The following SETBP1 variants were observed in gnomAD, a reference collection of about 807,000 sequenced individuals.
SETBP1 encodes the protein SET binding protein 1, also known as SET-binding protein.
In SETBP1, 9 loss-of-function variants were observed where a neutral mutation model predicts 101.0. That is an observed-to-expected ratio of 0.09 (90% CI 0.05 to 0.16). The LOEUF is 0.16. SETBP1 is among the 10% of genes least tolerant of loss of function. SETBP1 has a pLI of 1.00. For missense variants in SETBP1, 1,858 were observed against 2,033.8 expected (o/e 0.91, Z 1.66); for synonymous variants, 818 against 788.5 (o/e 1.04, Z -0.63).
At chr18:44,916,694 G>A (rs1199009158) in intron 3 of SETBP1, among the ~76,000 whole-genome samples, 1 of 152,172 alleles carries the variant, frequency 6.6e-6, no homozygotes, top group African/African-American at 2.4e-5. Context: ...AGCATAATGA[G>A]ATTGAATGAG....
intron 3 of SETBP1, among the ~76,000 whole-genome samples, chr18:44,921,465 A>G (rs2070577971): frequency 6.6e-6 from 1 of 152,070 alleles, no homozygotes; most frequent in Non-Finnish European, 1.5e-5. Flanking sequence ...CATGTTGGAG[A>G]GGCTAAAGGC....
At position 44,774,378 on chromosome 18, in the gene SETBP1, T is replaced by G. The variant is rs188442452; in HGVS notation, c.486+72546T>G. Among the ~76,000 whole-genome samples the G allele has an allele frequency of 2.0e-3, 303 of 151,130 alleles. 1 individual carries two copies. Among genetic ancestry groups the G allele is most frequent in the African/African-American group, 7.0e-3 (288 of 41,204 alleles). ...GTTTGAGTGTGTATGTGTGTGTGGG[T>G]GTGTGTGTGTGTGGGTGTGAGTGTG... On this transcript the variant is annotated intron_variant, in intron 2 of 5. Coordinates refer to ENST00000649279, the MANE Select transcript of SETBP1 (RefSeq NM_015559.3).
chr18:44,894,863 G>C (rs1156519000), intron 3 of SETBP1, among the ~76,000 whole-genome samples: 6 of 151,320 alleles, frequency 4.0e-5, no homozygotes, highest in Non-Finnish European at 7.4e-5. Flanking sequence ...GGGCACCGTG[G>C]CTGCTTTGGG....
intron 5 of SETBP1, among the ~76,000 whole-genome samples, chr18:45,041,680 G>C (rs1442171744): frequency 6.6e-6 from 1 of 152,162 alleles, no homozygotes; most frequent in Non-Finnish European, 1.5e-5. Flanking sequence ...AATGGATGCA[G>C]GCCAGGCATG....
rs148596984 is a variant in SETBP1 at position 44,701,517 on chromosome 18, A to G, written c.171A>G (p.Pro57=). The G allele has an allele frequency of 3.7e-5, 60 of 1,613,948 alleles. No homozygotes were observed. The highest frequency in any genetic ancestry group is 4.9e-5 in the Non-Finnish European group (58 of 1,179,942). ...GIPVGGERME[P]EEEDELGSGR... Reference sequence around the variant, plus strand: ...CGGTGGGCGGAGAGCGCATGGAGCCAGAGGAGGAGGATGAACTAGGCTCAG... The same window carrying G: ...CGGTGGGCGGAGAGCGCATGGAGCCGGAGGAGGAGGATGAACTAGGCTCAG... Residue 57 remains proline (P), a synonymous_variant, in exon 2 of 6, where the codon CCA becomes CCG. Transcript: ENST00000649279.
chr18:44,732,094 GTGTC>G (rs2069849607), intron 2 of SETBP1, among the ~76,000 whole-genome samples: 1 of 152,182 alleles, frequency 6.6e-6, no homozygotes, highest in Non-Finnish European at 1.5e-5. Context: ...GATGAGCAAT[GTGTC>G]TGTGTGAGTA....
chr18:44,920,110 C>T (rs899287683), intron 3 of SETBP1, among the ~76,000 whole-genome samples: 9 of 152,146 alleles, frequency 5.9e-5, no homozygotes, highest in African/African-American at 2.2e-4. Context: ...GGTCAAGATG[C>T]AAGAAACTTA....
At chr18:44,949,801 C>A in intron 3 of SETBP1, 80 bp from the exon 4 acceptor site, 2 of 1,144,526 alleles carry the variant, frequency 1.7e-6, no homozygotes, top group Non-Finnish European at 2.6e-6. Flanking sequence ...CTTTTGATGT[C>A]AAATATTAAG....
chr18:44,793,709 C>T lies in SETBP1; in HGVS notation c.487-75521C>T, dbSNP rs150356277. 1.3e-3 allele frequency among the ~76,000 whole-genome samples: 201 copies of T among 152,268 alleles called. 3 individuals carry two copies. The highest frequency in any genetic ancestry group is 0.013 in the East Asian group (67 of 5,180). ...GCCTAGATAGGGTACAAGATCAAGC[C>T]AAGGCCACACAGATGGATAAATATG... On this transcript the variant is annotated intron_variant, in intron 2 of 5. Transcript: ENST00000649279.
chr18:44,910,423 A>C (rs1260773803), intron 3 of SETBP1, among the ~76,000 whole-genome samples: 1 of 152,168 alleles, frequency 6.6e-6, no homozygotes, highest in Non-Finnish European at 1.5e-5. Flanking sequence ...CCAAACCTTT[A>C]TGTCTTTGAT....
At chr18:45,020,301 T>G (rs1315842679) in intron 4 of SETBP1, among the ~76,000 whole-genome samples, 1 of 126,184 alleles carries the variant, frequency 7.9e-6, no homozygotes, top group Non-Finnish European at 1.6e-5. Flanking sequence ...AAAAAGTGGC[T>G]TCTCCTCGAA....
chr18:44,808,404 A>G (rs1012462959), intron 2 of SETBP1, among the ~76,000 whole-genome samples: 6 of 152,178 alleles, frequency 3.9e-5, no homozygotes, highest in African/African-American at 7.2e-5. Flanking sequence ...CCATTTACCA[A>G]TTAAGCTTCA....
intron 3 of SETBP1, among the ~76,000 whole-genome samples, chr18:44,876,376 G>A (rs146604600): frequency 6.9e-4 from 105 of 152,238 alleles, no homozygotes; most frequent in African/African-American, 2.3e-3. Flanking sequence ...AAAATGGAAC[G>A]AGACACTAGA....
intron 3 of SETBP1, among the ~76,000 whole-genome samples, chr18:44,876,208 A>G (rs2069399229): frequency 6.6e-6 from 1 of 152,194 alleles, no homozygotes; most frequent in Non-Finnish European, 1.5e-5. Context: ...AGAGGTAGGC[A>G]GGGCCAGCAG....
chr18:44,919,768 T>A (rs2070535828), intron 3 of SETBP1, among the ~76,000 whole-genome samples: 1 of 151,672 alleles, frequency 6.6e-6, no homozygotes, highest in South Asian at 2.1e-4. Context: ...GTATTGTATG[T>A]ACATATACAC....
At chr18:44,931,078 T>C (rs1362799536) in intron 3 of SETBP1, among the ~76,000 whole-genome samples, 11 of 152,240 alleles carry the variant, frequency 7.2e-5, no homozygotes, top group Non-Finnish European at 1.6e-4. Flanking sequence ...GGGCATTTAG[T>C]GCTATAAATT....
At chr18:44,764,807 A>G (rs1233929712) in intron 2 of SETBP1, among the ~76,000 whole-genome samples, 1 of 152,086 alleles carries the variant, frequency 6.6e-6, no homozygotes, top group Non-Finnish European at 1.5e-5. Flanking sequence ...TTTAGCATTT[A>G]TCTGTAAATG....
chr18:44,936,304 C>T (rs1051859855), intron 3 of SETBP1, among the ~76,000 whole-genome samples: 1 of 152,168 alleles, frequency 6.6e-6, no homozygotes, highest in Non-Finnish European at 1.5e-5. Context: ...GGCACTTGAA[C>T]AGTGAAATCT....
chr18:44,877,661 A>G (rs556939977), intron 3 of SETBP1, among the ~76,000 whole-genome samples: 1 of 152,322 alleles, frequency 6.6e-6, no homozygotes, highest in Non-Finnish European at 1.5e-5. Flanking sequence ...TACACCTCAC[A>G]CTGAAGCCCA....
Sources: gnomAD v4.1 joint callset for allele counts (sites outside exome capture counted in the v4.1 genomes callset) on GRCh38, gnomAD v4.1.1 for gene constraint, MANE v1.5 for transcripts, NCBI Gene and HGNC (gene_info 2026-07-23, HGNC 2026-07-21) for gene names.